Variants in VAV2 observed in about 807,000 individuals in gnomAD.
VAV2 encodes the protein guanine nucleotide exchange factor VAV2.
VAV2 carries 67 observed loss-of-function variants against 132.5 expected under a neutral mutation model. The ratio of observed to expected loss-of-function variants is 0.51; its 90% CI spans 0.42 to 0.62. The LOEUF is 0.62. Among genes scored for constraint, VAV2 ranks in the 20% least tolerant of loss-of-function variants. The pLI is 0.00. For missense variants in VAV2, 938 were observed against 1,153.6 expected, an observed-to-expected ratio of 0.81 and a Z score of 2.71; for synonymous variants, 492 against 443.5, an observed-to-expected ratio of 1.11 and a Z score of -1.37.
intron 2 of VAV2, chr9:133,927,961 A>G (rs1281029664): frequency 1.3e-5 from 2 of 152,108 alleles, no homozygotes; most frequent in Non-Finnish European, 2.9e-5. Context: ...GCCACCTCAC[A>G]TGAAGCACAG....
At chr9:133,891,191 C>T (rs1169872416) in intron 2 of VAV2, among the ~76,000 whole-genome samples, 1 of 148,880 alleles carries the variant, frequency 6.7e-6, no homozygotes, top group Non-Finnish European at 1.5e-5. Flanking sequence ...CCGGCACTCA[C>T]GCCACCCTCA....
chr9:133,780,553 T>A, intron 20 of VAV2, 141 bp downstream of exon 20: 1 of 1,036,174 alleles, frequency 9.7e-7, no homozygotes, highest in South Asian at 3.6e-5. Flanking sequence ...AGCAGAGGCA[T>A]CTTGTGACCA....
chr9:133,894,780 G>T (rs1463637010), intron 2 of VAV2, among the ~76,000 whole-genome samples: 2 of 152,200 alleles, frequency 1.3e-5, no homozygotes, highest in Non-Finnish European at 2.9e-5. Flanking sequence ...CCCAGAGAAA[G>T]AAGTCCAGAC....
intron 2 of VAV2, among the ~76,000 whole-genome samples, chr9:133,906,030 C>G (rs1229038453): frequency 6.6e-6 from 1 of 152,064 alleles, no homozygotes. Context: ...CAGAGTGAGA[C>G]CCTGTCTCAA....
At chr9:133,785,359 A>G (rs118117764) in intron 17 of VAV2, among the ~76,000 whole-genome samples, 5,019 of 152,278 alleles carry the variant, frequency 0.033, 107 homozygotes, top group Non-Finnish European at 0.049. Flanking sequence ...ATGGAAAAAT[A>G]GTTCTGTGGC....
chr9:133,890,350 G>C (rs1225785909), intron 2 of VAV2, among the ~76,000 whole-genome samples: 3 of 152,234 alleles, frequency 2.0e-5, no homozygotes, highest in Non-Finnish European at 1.5e-5. Flanking sequence ...GCAACCAGGA[G>C]GAATCGTGGC....
chr9:133,784,224 AG>A, intron 18 of VAV2, 92 bp downstream of exon 18: 1 of 1,395,642 alleles, frequency 7.2e-7, no homozygotes, highest in Non-Finnish European at 1.0e-6. Flanking sequence ...GGCCTCCCAC[AG>A]GGAACATGGG....
chr9:133,945,913 A>G (rs1841341831), intron 1 of VAV2, among the ~76,000 whole-genome samples: 2 of 152,198 alleles, frequency 1.3e-5, no homozygotes, highest in Admixed American at 1.3e-4. Context: ...CAACAGCCAC[A>G]CAGCTTCTCT....
intron 1 of VAV2, 55 bp from the exon 2 acceptor site, chr9:133,939,274 CT>C: frequency 6.7e-7 from 1 of 1,498,490 alleles, no homozygotes; most frequent in Non-Finnish European, 9.3e-7. Context: ...ACTGTAAGCT[CT>C]GTAAAAACCG....
intron 2 of VAV2, among the ~76,000 whole-genome samples, chr9:133,893,207 G>C (rs1839050687): frequency 6.6e-6 from 1 of 152,232 alleles, no homozygotes; most frequent in Admixed American, 6.5e-5. Context: ...CTAAAGGTGG[G>C]AGTCTGACAG....
rs1440437512 is a variant in VAV2, at chr9:133,961,962, G to A, written c.205-22743C>T. Among the ~76,000 whole-genome samples the A allele has an allele frequency of 2.0e-5, 3 of 152,128 alleles. No homozygotes were observed. Among genetic ancestry groups the A allele is most frequent in the Non-Finnish European group, 4.4e-5 (3 of 68,016 alleles). ...AGAACCCAGCATCATCCCCCATGCC[G>A]GGTGCTGGGGACCCTCTTCCTGAAT... On this transcript the variant is annotated intron_variant, in intron 1 of 29. Coordinates refer to ENST00000371850, the MANE Select transcript of VAV2 (RefSeq NM_001134398.2). This position sits in a 1 kb window ranked among gnomAD's most constrained non-coding sequence, Gnocchi z 4.1.
In VAV2 at chr9:133,840,825, C is replaced by T. The variant is rs944386678; in HGVS notation, c.381-6485G>A. Among the ~76,000 whole-genome samples, 2 of 152,194 alleles carry T rather than the reference C, an allele frequency of 1.3e-5. No individual in the cohort carries two copies. Among genetic ancestry groups the T allele is most frequent in the African/African-American group, 2.4e-5 (1 of 41,436 alleles). ...TGTGAAAATCTGCTAGAAACGATGGCGTCTGCAGGGCACCACCTGTGCCAC... is the reference window on the plus strand; with the variant it reads ...TGTGAAAATCTGCTAGAAACGATGGTGTCTGCAGGGCACCACCTGTGCCAC... On this transcript the variant is annotated intron_variant, in intron 3 of 29. Coordinates refer to ENST00000371850, the MANE Select transcript of VAV2 (RefSeq NM_001134398.2). The surrounding 1 kb of genome is among the most constrained non-coding windows in gnomAD (Gnocchi z 4.5).
In VAV2 at chr9:133,884,378, G is replaced by C. The variant is rs1838618268; in HGVS notation, c.322-22946C>G. ...CTCAAAGGACGCTCATCAAAGCAGT[G>C]CTTCCTTAGGCGCTTGGGTGCTCAC... On this transcript the variant is annotated intron_variant, in intron 2 of 29. Coordinates refer to ENST00000371850, the MANE Select transcript of VAV2 (RefSeq NM_001134398.2). The surrounding 1 kb of genome is among the most constrained non-coding windows in gnomAD (Gnocchi z 5.3). 1.3e-5 allele frequency among the ~76,000 whole-genome samples: 2 copies of C among 152,222 alleles called. No individual in the cohort carries two copies. Among genetic ancestry groups the C allele is most frequent in the East Asian group, 1.9e-4 (1 of 5,196 alleles).
At chr9:133,957,237 T>G (rs1408056325) in intron 1 of VAV2, among the ~76,000 whole-genome samples, 2 of 152,140 alleles carry the variant, frequency 1.3e-5, no homozygotes, top group African/African-American at 4.8e-5. Flanking sequence ...GGGAAGGATG[T>G]GTGCCCAGGA....
intron 19 of VAV2, 23 bp from the exon 20 acceptor site, chr9:133,780,733 G>T: frequency 7.9e-7 from 1 of 1,268,840 alleles, no homozygotes; most frequent in South Asian, 3.4e-5. Context: ...CAGGTCAGGT[G>T]TTAGAGGGGA....
At chr9:133,795,543 A>C (rs1588185877) in intron 12 of VAV2, 125 bp downstream of exon 12, 2 of 1,230,560 alleles carry the variant, frequency 1.6e-6, no homozygotes, top group Non-Finnish European at 2.3e-6. Context: ...CCCTGCCCCA[A>C]CTCCTGCTGT....
In VAV2 at chr9:133,861,441, G is replaced by GA; in HGVS notation, c.322-10dup. The GA allele has an allele frequency of 6.2e-7, 1 of 1,612,588 alleles. No individual in the cohort carries two copies. The highest frequency in any genetic ancestry group is 8.5e-7 in the Non-Finnish European group (1 of 1,179,550). ...GACACCGCGGAGATGACCTGGGGGA[G>GA]ACAAGAAGAGACGCTCCTGTAATTT... On this transcript the variant is annotated splice_polypyrimidine_tract_variant and intron_variant, in intron 2 of 29. Coordinates refer to ENST00000371850, the MANE Select transcript of VAV2 (RefSeq NM_001134398.2).
In VAV2 at chr9:133,834,651, G is replaced by T. The variant is rs1836393421; in HGVS notation, c.381-311C>A. ...TCAGGGCTGCAGAAAGCGTTCATCT[G>T]CTGGGCGACCTGCCTTCCCCTTTAC... On this transcript the variant is annotated intron_variant, in intron 3 of 29. Transcript: ENST00000371850. The surrounding 1 kb of genome is among the most constrained non-coding windows in gnomAD (Gnocchi z 5.9). Among the ~76,000 whole-genome samples the T allele has an allele frequency of 6.6e-6, 1 of 152,244 alleles. No individual in the cohort carries two copies. The highest frequency in any genetic ancestry group is 2.4e-5 in the African/African-American group (1 of 41,478).
At chr9:133,958,482 C>T (rs1030010777) in intron 1 of VAV2, among the ~76,000 whole-genome samples, 1 of 150,838 alleles carries the variant, frequency 6.6e-6, no homozygotes, top group African/African-American at 2.4e-5. Context: ...TCTTTGTTCA[C>T]GTGTTTGTCT....
Sources: gnomAD v4.1 joint callset for allele counts (sites outside exome capture counted in the v4.1 genomes callset) on GRCh38, gnomAD v4.1.1 for gene constraint, Gnocchi (gnomAD v3.1) non-coding constraint, MANE v1.5 for transcripts, NCBI Gene and HGNC (gene_info 2026-07-23, HGNC 2026-07-21) for gene names.